Variants in CAMTA1 observed in about 807,000 individuals in gnomAD.
CAMTA1 encodes the protein calmodulin-binding transcription activator 1.
In CAMTA1, 27 loss-of-function variants were observed where a neutral mutation model predicts 170.9. That is an observed-to-expected ratio of 0.16 (90% confidence interval 0.12 to 0.22). CAMTA1 has a LOEUF of 0.22. Ranked by LOEUF, CAMTA1 falls within the 10% of genes least tolerant of loss-of-function variation. CAMTA1 has a pLI of 1.00. For synonymous variants in CAMTA1, 833 were observed against 891.5 expected (o/e 0.93, Z 1.17); for missense variants, 1,619 against 2,217.2 (o/e 0.73, Z 5.42).
intron 5 of CAMTA1, among the ~76,000 whole-genome samples, chr1:7,285,780 C>T (rs960523128): frequency 1.3e-5 from 2 of 152,100 alleles, no homozygotes; most frequent in African/African-American, 4.8e-5. Context: ...CCCCTGAGCC[C>T]ATAACGACAC....
At chr1:7,307,493 A>T (rs1238132286) in intron 5 of CAMTA1, among the ~76,000 whole-genome samples, 2 of 152,024 alleles carry the variant, frequency 1.3e-5, no homozygotes, top group Non-Finnish European at 2.9e-5. Context: ...TTATGTGAGA[A>T]TGGACAGTTT....
chr1:7,578,842 T>C (rs927997785), intron 6 of CAMTA1, among the ~76,000 whole-genome samples: 2 of 152,204 alleles, frequency 1.3e-5, no homozygotes. Flanking sequence ...GGCACAGCCC[T>C]TGTGACCCAG....
At chr1:7,244,924 T>A (rs11120883) in intron 4 of CAMTA1, among the ~76,000 whole-genome samples, 20,306 of 150,712 alleles carry the variant, frequency 0.13, 1,530 homozygotes, top group Middle Eastern at 0.22. Context: ...ATAAATAAAT[T>A]AATTAATTAA....
At chr1:6,810,784 A>G (rs1413028989) in intron 1 of CAMTA1, among the ~76,000 whole-genome samples, 1 of 152,084 alleles carries the variant, frequency 6.6e-6, no homozygotes, top group Non-Finnish European at 1.5e-5. Flanking sequence ...AGTCTGGGTG[A>G]CAGAGCGAGA....
In CAMTA1 at chr1:7,663,569, C is replaced by A; in HGVS notation, c.1022C>A (p.Thr341Asn). 5 of 1,613,530 alleles carry A rather than the reference C, an allele frequency of 3.1e-6. No individual in the cohort carries two copies. The highest frequency in any genetic ancestry group is 4.2e-6 in the Non-Finnish European group (5 of 1,179,562). ...CCCGTGCTCCTGCACCAGAGCAGCA[C>A]CGAGGTCTCCTCCACCAACCAGGTG... ...AKPVLLHQSSTEVSSTNQVEV... is the reference protein window; with the variant it reads ...AKPVLLHQSSNEVSSTNQVEV... The change falls in exon 9 of 23, where the codon ACC becomes AAC. Residue 341 changes from threonine to asparagine, a missense_variant. Transcript: ENST00000303635.
intron 3 of CAMTA1, among the ~76,000 whole-genome samples, chr1:6,846,742 A>ACTTC (rs1044708801): frequency 8.5e-5 from 13 of 152,320 alleles, no homozygotes; most frequent in African/African-American, 3.1e-4. Flanking sequence ...ATGGATACTG[A>ACTTC]AGGTTGACAC....
intron 5 of CAMTA1, among the ~76,000 whole-genome samples, chr1:7,389,016 C>A (rs1471913469): frequency 6.6e-6 from 1 of 152,222 alleles, no homozygotes; most frequent in Non-Finnish European, 1.5e-5. Context: ...CAGAGCCTCC[C>A]AGCACTGAGT....
intron 3 of CAMTA1, among the ~76,000 whole-genome samples, chr1:6,902,842 A>C (rs906181367): frequency 6.6e-6 from 1 of 152,160 alleles, no homozygotes; most frequent in Non-Finnish European, 1.5e-5. Context: ...AACAACTGCA[A>C]CTCTCAAACA....
At chr1:7,683,757 C>G (rs1245363315) in intron 11 of CAMTA1, among the ~76,000 whole-genome samples, 1 of 152,230 alleles carries the variant, frequency 6.6e-6, no homozygotes. Flanking sequence ...CAGGGCCCTC[C>G]TCGTAACCCG....
At chr1:6,980,002 C>T (rs1336642648) in intron 3 of CAMTA1, among the ~76,000 whole-genome samples, 2 of 152,186 alleles carry the variant, frequency 1.3e-5, no homozygotes, top group African/African-American at 2.4e-5. Context: ...AACGCACCCC[C>T]ATCCCACCTG....
intron 4 of CAMTA1, among the ~76,000 whole-genome samples, chr1:7,223,231 G>A (rs1405298637): frequency 7.3e-6 from 1 of 137,280 alleles, no homozygotes; most frequent in Non-Finnish European, 1.5e-5. Flanking sequence ...TTTCCTACAT[G>A]TGTATGTCAG....
intron 6 of CAMTA1, among the ~76,000 whole-genome samples, chr1:7,579,086 A>G (rs753694821): frequency 3.3e-5 from 5 of 152,198 alleles, no homozygotes; most frequent in African/African-American, 7.2e-5. Context: ...CCTCTACATC[A>G]AGAGGCCACA....
At chr1:7,413,205 G>A (rs1441210898) in intron 5 of CAMTA1, among the ~76,000 whole-genome samples, 1 of 151,886 alleles carries the variant, frequency 6.6e-6, no homozygotes, top group Non-Finnish European at 1.5e-5. Flanking sequence ...CTCCGCCTTT[G>A]TTCTTTTGGC....
rs371668581 is a variant in CAMTA1, at chr1:7,398,154, GCTCTCT to G, written c.439-69641_439-69636del. 3.5e-3 allele frequency among the ~76,000 whole-genome samples: 92 copies of G among 26,232 alleles called. 2 individuals are homozygous for G. The highest frequency in any genetic ancestry group is 5.2e-3 in the Non-Finnish European group (65 of 12,456). 17.2% of individuals were successfully genotyped at this position (26,232 alleles called of 152,430 possible). A position where few individuals can be genotyped will look rare whatever the true frequency, so the allele number is the denominator to read the frequency against. ...TTCAGAAGTTAGATATAATAATATT[GCTCTCT>G]CTCTCTCTCTCTCTCTCTCTCTCTC... On this transcript the variant is annotated intron_variant, in intron 5 of 22. Transcript: ENST00000303635.
At chr1:7,175,249 C>T (rs555673954) in intron 4 of CAMTA1, among the ~76,000 whole-genome samples, 22 of 138,972 alleles carry the variant, frequency 1.6e-4, no homozygotes, top group Admixed American at 1.2e-3. Context: ...CATCTGGCCA[C>T]GGTGCGGCTG....
intron 5 of CAMTA1, among the ~76,000 whole-genome samples, chr1:7,406,706 T>C (rs2090320138): frequency 6.6e-6 from 1 of 151,948 alleles, no homozygotes; most frequent in South Asian, 2.1e-4. Context: ...GGCTTACGTG[T>C]AAAGGGGACT....
At chr1:7,151,407 G>A (rs1168969904) in intron 4 of CAMTA1, among the ~76,000 whole-genome samples, 3 of 152,190 alleles carry the variant, frequency 2.0e-5, no homozygotes, top group Non-Finnish European at 4.4e-5. Context: ...GCCCAGCGAG[G>A]CTGCCTGGCC....
intron 6 of CAMTA1, among the ~76,000 whole-genome samples, chr1:7,487,107 T>C (rs929239807): frequency 1.3e-5 from 2 of 152,232 alleles, no homozygotes; most frequent in African/African-American, 4.8e-5. Context: ...ATGCTCCTGA[T>C]AGGAGGGGCT....
At position 7,341,577 on chromosome 1, in the gene CAMTA1, TGAC is replaced by T. The variant is rs1360932315; in HGVS notation, c.438+91957_438+91959del. 3.3e-5 allele frequency among the ~76,000 whole-genome samples: 5 copies of T among 152,180 alleles called. No homozygotes were observed. In the East Asian group the frequency reaches 7.7e-4, roughly 23 times the overall value. On this transcript the variant is annotated intron_variant, in intron 5 of 22. Coordinates refer to ENST00000303635, the MANE Select transcript of CAMTA1 (RefSeq NM_015215.4). The stretch of plus-strand genomic sequence containing the variant: ...AGCCTGGAGCTGGCTCCCCTGCAAA[TGAC>T]GACGAAAGCAGCCCCAGCTGGCATT...
Sources: gnomAD v4.1 joint callset for allele counts (sites outside exome capture counted in the v4.1 genomes callset) on GRCh38, gnomAD v4.1.1 for gene constraint, MANE v1.5 for transcripts, NCBI Gene and HGNC (gene_info 2026-07-23, HGNC 2026-07-21) for gene names.